PCDH9: variants seen among roughly 807,000 people sequenced by gnomAD.
PCDH9 encodes protocadherin-9.
A neutral mutation model predicts 70.6 loss-of-function variants in PCDH9; 24 were observed. The observed-to-expected ratio is 0.34, with a 90% CI of 0.25 to 0.48. The LOEUF is 0.48. PCDH9 is among the 20% of genes least tolerant of loss of function. The probability of loss-of-function intolerance (pLI) is 0.99; values close to 1 mark genes in which losing one functional copy is unlikely to be tolerated. For synonymous variants in PCDH9, 562 were observed against 558.5 expected, an observed-to-expected ratio of 1.01 and a Z score of -0.09; for missense variants, 1,281 against 1,503.6, an observed-to-expected ratio of 0.85 and a Z score of 2.45.
intron 3 of PCDH9, among the ~76,000 whole-genome samples, chr13:66,878,184 C>T (rs1441012401): frequency 4.6e-5 from 7 of 151,780 alleles, no homozygotes; most frequent in East Asian, 1.9e-4. Context: ...AATGTAAGGG[C>T]CGTGGGACTA....
intron 3 of PCDH9, among the ~76,000 whole-genome samples, chr13:66,633,750 A>T (rs921633233): frequency 6.6e-6 from 1 of 152,218 alleles, no homozygotes; most frequent in African/African-American, 2.4e-5. Flanking sequence ...TTAAGCCATT[A>T]AGAAGTATAT....
intron 2 of PCDH9, among the ~76,000 whole-genome samples, chr13:67,161,446 T>C (rs978535302): frequency 2.6e-5 from 4 of 152,224 alleles, no homozygotes; most frequent in Non-Finnish European, 5.9e-5. Flanking sequence ...AACACCTGGC[T>C]TAGCACCCTC....
chr13:66,640,464 C>T (rs2138961868), intron 3 of PCDH9, among the ~76,000 whole-genome samples: 1 of 151,996 alleles, frequency 6.6e-6, no homozygotes, highest in South Asian at 2.1e-4. Context: ...CAATTTTATA[C>T]AATAATTAAC....
At chr13:66,349,403 T>C (rs926251610) in intron 4 of PCDH9, among the ~76,000 whole-genome samples, 6 of 152,192 alleles carry the variant, frequency 3.9e-5, no homozygotes, top group Non-Finnish European at 8.8e-5. Flanking sequence ...AAAGCAGAAA[T>C]GATTATGACA....
intron 2 of PCDH9, chr13:67,224,423 A>G (rs904363575): frequency 2.6e-5 from 4 of 152,132 alleles, no homozygotes; most frequent in African/African-American, 7.2e-5. Context: ...GCGACATGAT[A>G]CCCTAGTGCC....
At chr13:66,732,966 T>A (rs963746187) in intron 3 of PCDH9, among the ~76,000 whole-genome samples, 13 of 152,096 alleles carry the variant, frequency 8.5e-5, no homozygotes, top group African/African-American at 3.1e-4. Flanking sequence ...TGTATGACCC[T>A]GCTATCTCTG....
At chr13:66,935,734 TCTA>T (rs1382021817) in intron 2 of PCDH9, among the ~76,000 whole-genome samples, 5 of 152,140 alleles carry the variant, frequency 3.3e-5, no homozygotes, top group African/African-American at 4.8e-5. Flanking sequence ...ATTAAATAGT[TCTA>T]CTAGTCACAA....
intron 2 of PCDH9, among the ~76,000 whole-genome samples, chr13:67,015,049 G>A (rs1012472399): frequency 3.3e-5 from 5 of 151,972 alleles, no homozygotes; most frequent in East Asian, 1.9e-4. Flanking sequence ...CTTCACAAAC[G>A]CATTTAACAA....
intron 3 of PCDH9, among the ~76,000 whole-genome samples, chr13:66,686,418 T>G (rs764663916): frequency 2.0e-5 from 3 of 152,180 alleles, no homozygotes; most frequent in Non-Finnish European, 4.4e-5. Flanking sequence ...CAATTAAACC[T>G]CTTTCCATTA....
chr13:66,934,558 G>GAAAAAGAAAACGAAAAAGAAAAGAA (rs1555288045), intron 2 of PCDH9, among the ~76,000 whole-genome samples: 1 of 134,818 alleles, frequency 7.4e-6, no homozygotes, highest in Non-Finnish European at 1.6e-5. Context: ...AAAAAAAAAA[G>GAAAAAGAAAACGAAAAAGAAAAGAA]AAAAAGAAAA....
intron 4 of PCDH9, among the ~76,000 whole-genome samples, chr13:66,418,368 T>C (rs1412716104): frequency 6.6e-6 from 1 of 152,196 alleles, no homozygotes; most frequent in Non-Finnish European, 1.5e-5. Context: ...TCTACATATC[T>C]CTTTTGGTAC....
chr13:66,308,089 G>A (rs994941174), intron 4 of PCDH9, among the ~76,000 whole-genome samples: 1 of 152,070 alleles, frequency 6.6e-6, no homozygotes, highest in African/African-American at 2.4e-5. Flanking sequence ...TAAGAGCAGT[G>A]AGCTGAGAGG....
intron 3 of PCDH9, among the ~76,000 whole-genome samples, chr13:66,850,054 G>A (rs2081288920): frequency 6.6e-6 from 1 of 151,692 alleles, no homozygotes; most frequent in Non-Finnish European, 1.5e-5. Flanking sequence ...CTTTTTAGTG[G>A]CACAAAATTA....
intron 4 of PCDH9, among the ~76,000 whole-genome samples, chr13:66,480,332 TGGTTTCTTGA>T (rs1317870458): frequency 6.6e-6 from 1 of 152,192 alleles, no homozygotes; most frequent in Non-Finnish European, 1.5e-5. Context: ...GCAAAGAAGG[TGGTTTCTTGA>T]GATGGAATCT....
chr13:66,701,769 T>C (rs1175554407), intron 3 of PCDH9, among the ~76,000 whole-genome samples: 4 of 152,168 alleles, frequency 2.6e-5, no homozygotes, highest in African/African-American at 9.7e-5. Context: ...GTGTGAAGTA[T>C]AGTAGTGATT....
chr13:66,930,875 A>G (rs553513848), intron 2 of PCDH9, among the ~76,000 whole-genome samples: 4 of 152,288 alleles, frequency 2.6e-5, no homozygotes, highest in African/African-American at 7.2e-5. Flanking sequence ...TTTTATGACA[A>G]TGACCTCCAT....
intron 4 of PCDH9, among the ~76,000 whole-genome samples, chr13:66,542,055 C>T (rs1960979092): frequency 6.6e-6 from 1 of 152,040 alleles, no homozygotes; most frequent in Admixed American, 6.6e-5. Flanking sequence ...AAGGAAAAGC[C>T]TTGGGAGATC....
chr13:67,014,148 CT>C (rs1341819253), intron 2 of PCDH9, among the ~76,000 whole-genome samples: 1 of 152,048 alleles, frequency 6.6e-6, no homozygotes, highest in Non-Finnish European at 1.5e-5. Context: ...AGAAGAATTA[CT>C]TTCTGTAAAG....
At chr13:66,473,738 T>C (rs1958664599) in intron 4 of PCDH9, among the ~76,000 whole-genome samples, 2 of 152,200 alleles carry the variant, frequency 1.3e-5, no homozygotes, top group African/African-American at 4.8e-5. Flanking sequence ...AAGTTATTAA[T>C]ATCTTTATTG....
Sources: allele counts gnomAD v4.1 joint callset (sites outside exome capture counted in the v4.1 genomes callset), GRCh38; gene constraint gnomAD v4.1.1; transcripts MANE v1.5; gene names NCBI Gene and HGNC (gene_info 2026-07-23, HGNC 2026-07-21).